The following ANO5 variants were observed in gnomAD, a reference collection of about 807,000 sequenced individuals.
The protein encoded by ANO5 is anoctamin-5.
In ANO5, 109 loss-of-function variants were observed where a neutral mutation model predicts 121.0. The observed-to-expected ratio is 0.90, with a 90% CI of 0.77 to 1.06. The LOEUF (loss-of-function observed/expected upper bound fraction) is 1.06, where lower values mean the gene tolerates loss of function less well. Among genes scored for constraint, ANO5 ranks in the 50% least tolerant of loss-of-function variants. The pLI is 0.00. For synonymous variants in ANO5, 406 were observed against 359.9 expected (o/e 1.13, Z -1.45); for missense variants, 1,064 against 1,078.5 (o/e 0.99, Z 0.19).
chr11:22,261,709 A>G (rs544387888), intron 15 of ANO5: 1 of 193,358 alleles, frequency 5.2e-6, no homozygotes, highest in Admixed American at 5.4e-5. Flanking sequence ...AATTCACTCA[A>G]TACCAGGAGA....
At position 22,228,286 on chromosome 11, in the gene ANO5, A is replaced by G. The variant is rs539425573; in HGVS notation, c.648+700A>G. Among the ~76,000 whole-genome samples the G allele has an allele frequency of 2.6e-5, 4 of 152,198 alleles. No individual in the cohort carries two copies. In the South Asian group the frequency reaches 6.2e-4, roughly 24 times the overall value. ...GTTCAACAAGCGTTAAGATGTTATT[A>G]TCATTATTTATCTGGCTTTCAGAGG... On this transcript the variant is annotated intron_variant, in intron 7 of 21. Transcript: ENST00000324559.
At chr11:22,249,099 A>G in intron 9 of ANO5, among the ~76,000 whole-genome samples, 1 of 152,014 alleles carries the variant, frequency 6.6e-6, no homozygotes, top group East Asian at 1.9e-4. Flanking sequence ...AGTGATCTGG[A>G]AAACCAAATT....
chr11:22,201,342 A>G (rs1414882083), intron 1 of ANO5, among the ~76,000 whole-genome samples: 1 of 152,236 alleles, frequency 6.6e-6, no homozygotes, highest in East Asian at 1.9e-4. Flanking sequence ...ATAAAAAGAT[A>G]GTAATTAAAA....
chr11:22,260,849 G>T (rs1043390392), intron 15 of ANO5, among the ~76,000 whole-genome samples: 2 of 152,124 alleles, frequency 1.3e-5, no homozygotes, highest in Admixed American at 6.6e-5. Flanking sequence ...ATCCTCTATT[G>T]CAGGGTGAAG....
At chr11:22,212,784 C>G (rs891709170) in intron 3 of ANO5, among the ~76,000 whole-genome samples, 8 of 150,272 alleles carry the variant, frequency 5.3e-5, no homozygotes, top group Non-Finnish European at 1.2e-4. Flanking sequence ...CTATGTCACT[C>G]TGTTCATATA....
At chr11:22,274,381 A>C (rs565208900) in intron 19 of ANO5, among the ~76,000 whole-genome samples, 188 bp from the exon 20 acceptor site, 1 of 152,116 alleles carries the variant, frequency 6.6e-6, no homozygotes, top group Non-Finnish European at 1.5e-5. Flanking sequence ...ATCTTGGAAT[A>C]CTGATCACAC....
chr11:22,201,801 GCAGAGCACT>G (rs1425542955), intron 1 of ANO5, among the ~76,000 whole-genome samples: 1 of 152,124 alleles, frequency 6.6e-6, no homozygotes, highest in East Asian at 1.9e-4. Context: ...ATTTATGAAG[GCAGAGCACT>G]CATGACCTAA....
At chr11:22,239,709 C>T (rs1421104078) in intron 9 of ANO5, 25 bp downstream of exon 9, 2 of 1,508,142 alleles carry the variant, frequency 1.3e-6, no homozygotes, top group East Asian at 4.5e-5. Context: ...CAGGATCAGA[C>T]CAATTAAAAC....
In ANO5 at chr11:22,226,190, A is replaced by G. The variant is rs539200696; in HGVS notation, c.363+138A>G. The G allele has an allele frequency of 7.4e-5, 52 of 700,758 alleles. 1 individual carries two copies. The South Asian group carries it at 8.3e-4, about 11-fold the overall frequency. 43.4% of individuals were successfully genotyped at this position (700,758 alleles called of 1,614,324 possible). On this transcript the variant is annotated intron_variant, in intron 6 of 21. Coordinates refer to ENST00000324559, the MANE Select transcript of ANO5 (RefSeq NM_213599.3). The stretch of plus-strand genomic sequence containing the variant: ...GGCTACAGATATGTGCACCGGGATG[A>G]TAGGGCCTGTGGTCTTACAGGTAAG...
At chr11:22,240,840 T>G (rs1853405800) in intron 9 of ANO5, among the ~76,000 whole-genome samples, 1 of 151,900 alleles carries the variant, frequency 6.6e-6, no homozygotes, top group Admixed American at 6.6e-5. Flanking sequence ...GGCATCTTTC[T>G]CTTCTCTTTC....
At chr11:22,198,659 A>C (rs2133496788) in intron 1 of ANO5, among the ~76,000 whole-genome samples, 1 of 152,228 alleles carries the variant, frequency 6.6e-6, no homozygotes, top group African/African-American at 2.4e-5. Flanking sequence ...AACTCTTTAA[A>C]CCTAGCTTAA....
At position 22,274,678 on chromosome 11, in the gene ANO5, C is replaced by G. The variant is rs753138577; in HGVS notation, c.2345C>G (p.Ser782Ter). 2.5e-6 allele frequency: 4 copies of G among 1,613,392 alleles called. No homozygotes were observed. The highest frequency in any genetic ancestry group is 3.4e-6 in the Non-Finnish European group (4 of 1,179,638). The change falls in exon 20 of 22, where the codon TCA becomes TGA. Residue 782 changes from serine (S) to a stop codon, truncating the protein, a stop_gained. Coordinates refer to ENST00000324559, the MANE Select transcript of ANO5 (RefSeq NM_213599.3). LOFTEE classifies it high-confidence loss of function. ...ACAGGATATGTGAATAATAGCCTGTCAGTATTCCTGATAGCTGATTTTCCA... is the reference window on the plus strand; with the variant it reads ...ACAGGATATGTGAATAATAGCCTGTGAGTATTCCTGATAGCTGATTTTCCA... ...PMTGYVNNSL[S>*]VFLIADFPNH... is the part of the protein sequence containing the mutation.
chr11:22,192,677 G>A (rs2133469739), upstream of ANO5, among the ~76,000 whole-genome samples: 1 of 152,372 alleles, frequency 6.6e-6, no homozygotes, highest in South Asian at 2.1e-4. Context: ...CCGGCTGAGG[G>A]AGCATCGGGA....
At chr11:22,199,724 C>T (rs12287610) in intron 1 of ANO5, among the ~76,000 whole-genome samples, 1,779 of 152,088 alleles carry the variant, frequency 0.012, 35 homozygotes, top group African/African-American at 0.04. Flanking sequence ...CTCGTATCTG[C>T]ATTACATTCA....
At chr11:22,225,640 T>A (rs1852798680) in intron 5 of ANO5, among the ~76,000 whole-genome samples, 1 of 152,170 alleles carries the variant, frequency 6.6e-6, no homozygotes, top group South Asian at 2.1e-4. Context: ...TTGAAGAGTA[T>A]TGATCTTTGT....
At chr11:22,250,510 C>A in intron 10 of ANO5, 139 bp downstream of exon 10, 4 of 1,266,490 alleles carry the variant, frequency 3.2e-6, no homozygotes, top group Non-Finnish European at 3.3e-6. Context: ...AAAAACTACT[C>A]AAACATAACA....
At chr11:22,240,341 A>C (rs1019139919) in intron 9 of ANO5, among the ~76,000 whole-genome samples, 2 of 152,028 alleles carry the variant, frequency 1.3e-5, no homozygotes, top group Non-Finnish European at 2.9e-5. Context: ...ATTTTATTCA[A>C]TGAACTATTA....
rs755464228 is a variant in ANO5 at position 22,270,262 on chromosome 11, G to A, written c.1899-50G>A. On this transcript the variant is annotated intron_variant, in intron 17 of 21. Coordinates refer to ENST00000324559, the MANE Select transcript of ANO5 (RefSeq NM_213599.3). ...GATCTAACACTCTGATTCTCTGATCGCTTTCTTTTTGGTCCTATTTCATAT... is the reference window on the plus strand; with the variant it reads ...GATCTAACACTCTGATTCTCTGATCACTTTCTTTTTGGTCCTATTTCATAT... 35 of 1,605,144 alleles carry A rather than the reference G, an allele frequency of 2.2e-5. No homozygotes were observed. The Admixed American group carries it at 2.8e-4, about 13-fold the overall frequency.
At chr11:22,219,505 C>G (rs545175050) in intron 4 of ANO5, among the ~76,000 whole-genome samples, 1 of 152,090 alleles carries the variant, frequency 6.6e-6, no homozygotes, top group East Asian at 1.9e-4. Flanking sequence ...CAAAAAACCC[C>G]TCTATCATAC....
Sources: allele counts gnomAD v4.1 joint callset (sites outside exome capture counted in the v4.1 genomes callset), GRCh38; gene constraint gnomAD v4.1.1; transcripts MANE v1.5; gene names NCBI Gene and HGNC (gene_info 2026-07-23, HGNC 2026-07-21).